Variants in CDH19 observed in about 807,000 individuals in gnomAD.
The protein encoded by CDH19 is cadherin-19.
In CDH19, 67 loss-of-function variants were observed where a neutral mutation model predicts 64.2. The observed-to-expected ratio is 1.04, with a 90% CI of 0.86 to 1.28. The LOEUF is 1.28. Ranked by LOEUF, CDH19 falls within the 50% of genes most tolerant of loss-of-function variation. CDH19 has a pLI of 0.00. For synonymous variants in CDH19, 346 were observed against 319.3 expected (o/e 1.08, Z -0.89); for missense variants, 1,030 against 929.0 (o/e 1.11, Z -1.41).
intron 10 of CDH19, among the ~76,000 whole-genome samples, chr18:66,510,622 T>TAATAATA (rs1282249811): frequency 2.3e-5 from 3 of 132,868 alleles, no homozygotes; most frequent in African/African-American, 8.2e-5. Context: ...ATAATAATAA[T>TAATAATA]AATAATACAT....
chr18:66,569,865 T>G (rs1988045064), intron 2 of CDH19, among the ~76,000 whole-genome samples: 1 of 151,706 alleles, frequency 6.6e-6, no homozygotes. Flanking sequence ...AATTCATGAT[T>G]TTTCTGATGG....
intron 3 of CDH19, among the ~76,000 whole-genome samples, chr18:66,564,829 T>C (rs940529044): frequency 6.6e-6 from 1 of 151,432 alleles, no homozygotes; most frequent in Non-Finnish European, 1.5e-5. Context: ...TAATTGCTTA[T>C]TAAGTAGTAT....
intron 1 of CDH19, among the ~76,000 whole-genome samples, chr18:66,590,914 G>A (rs1471147949): frequency 6.6e-6 from 1 of 151,990 alleles, no homozygotes; most frequent in African/African-American, 2.4e-5. Context: ...TTCCACCTAA[G>A]CCTGTTTGGG....
At chr18:66,543,273 C>A (rs998231519) in intron 7 of CDH19, among the ~76,000 whole-genome samples, 1 of 151,958 alleles carries the variant, frequency 6.6e-6, no homozygotes, top group Non-Finnish European at 1.5e-5. Flanking sequence ...GTGATCCGCC[C>A]GCCTCGGCCT....
At chr18:66,583,650 T>C (rs1003942422) in intron 1 of CDH19, among the ~76,000 whole-genome samples, 1 of 152,048 alleles carries the variant, frequency 6.6e-6, no homozygotes, top group Non-Finnish European at 1.5e-5. Context: ...GCTACATCTA[T>C]GTTCTCACAA....
intron 3 of CDH19, among the ~76,000 whole-genome samples, chr18:66,556,497 A>T (rs532482932): frequency 4.6e-5 from 7 of 151,834 alleles, no homozygotes; most frequent in African/African-American, 1.7e-4. Flanking sequence ...TTTAGATTCC[A>T]CATATAAATA....
At chr18:66,519,166 G>A (rs953931267) in intron 9 of CDH19, among the ~76,000 whole-genome samples, 1 of 152,168 alleles carries the variant, frequency 6.6e-6, no homozygotes, top group Non-Finnish European at 1.5e-5. Flanking sequence ...CATTGACAAT[G>A]TTGTTTGTGT....
chr18:66,586,036 A>G (rs1988568727), intron 1 of CDH19, among the ~76,000 whole-genome samples: 1 of 152,056 alleles, frequency 6.6e-6, no homozygotes, highest in South Asian at 2.1e-4. Context: ...CTTTTCTATG[A>G]CCTCTTCTTG....
At chr18:66,556,632 G>A (rs1327013246) in intron 3 of CDH19, among the ~76,000 whole-genome samples, 2 of 151,776 alleles carry the variant, frequency 1.3e-5, no homozygotes, top group African/African-American at 4.8e-5. Context: ...ATATTCCACT[G>A]TAAATATATG....
At chr18:66,589,259 T>C (rs777265510) in intron 1 of CDH19, among the ~76,000 whole-genome samples, 7 of 149,738 alleles carry the variant, frequency 4.7e-5, no homozygotes, top group Non-Finnish European at 1.0e-4. Flanking sequence ...TACATATATA[T>C]ATATACACAC....
intron 7 of CDH19, among the ~76,000 whole-genome samples, chr18:66,537,249 C>G (rs1986709727): frequency 6.6e-6 from 1 of 151,814 alleles, no homozygotes; most frequent in South Asian, 2.1e-4. Flanking sequence ...TAGTCTCCTC[C>G]ACGATTCCTC....
intron 4 of CDH19, among the ~76,000 whole-genome samples, chr18:66,551,606 CT>C (rs1272668321): frequency 6.6e-6 from 1 of 151,914 alleles, no homozygotes; most frequent in Non-Finnish European, 1.5e-5. Context: ...GTCCCCGAAA[CT>C]CTGAAGTTAG....
At chr18:66,551,531 T>G (rs891377489) in intron 4 of CDH19, among the ~76,000 whole-genome samples, 9 of 152,012 alleles carry the variant, frequency 5.9e-5, no homozygotes, top group Non-Finnish European at 1.3e-4. Context: ...GAATGTCTTG[T>G]TTTTACTTTA....
At chr18:66,551,023 T>G in intron 5 of CDH19, 71 bp downstream of exon 5, 1 of 802,010 alleles carries the variant, frequency 1.2e-6, no homozygotes, top group Non-Finnish European at 2.0e-6. Flanking sequence ...GAATGAAAAC[T>G]ATATAATCTA....
intron 9 of CDH19, among the ~76,000 whole-genome samples, chr18:66,522,115 T>A (rs1211300526): frequency 6.6e-6 from 1 of 150,952 alleles, no homozygotes; most frequent in Non-Finnish European, 1.5e-5. Flanking sequence ...CCCGGCAATT[T>A]TTTTTTGTAT....
In CDH19 at chr18:66,577,467, A is replaced by G. The variant is rs146645247; in HGVS notation, c.-112-5151T>C. ...ATTTTTGAAAAAGTTCAAAAGGTGA[A>G]TCAATGGAGAAATAACAGTCTTTGT... On this transcript the variant is annotated intron_variant, in intron 1 of 11. Coordinates refer to ENST00000262150, the MANE Select transcript of CDH19 (RefSeq NM_021153.4). 5.6e-3 allele frequency among the ~76,000 whole-genome samples: 859 copies of G among 152,082 alleles called. 11 individuals carry two copies. The highest frequency in any genetic ancestry group is 0.019 in the African/African-American group (802 of 41,546).
Position 66,568,415 on chromosome 18 carries a change from C to A in CDH19, c.490+1G>T, listed in dbSNP as rs754192400. 1 of 1,604,340 alleles carries A rather than the reference C, an allele frequency of 6.2e-7. No homozygotes were observed. Among genetic ancestry groups the A allele is most frequent in the East Asian group, 2.2e-5 (1 of 44,770 alleles). ...CTTTGATGTAAATTAATATGCAATA[C>A]CTTCTGGAGACATCTCTGGTACAAT... is the stretch of plus-strand genomic sequence containing the variant. On this transcript the variant is annotated splice_donor_variant, in intron 3 of 11. Coordinates refer to ENST00000262150, the MANE Select transcript of CDH19 (RefSeq NM_021153.4). LOFTEE classifies it high-confidence loss of function.
intron 1 of CDH19, among the ~76,000 whole-genome samples, chr18:66,591,321 T>A (rs1988737384): frequency 6.6e-6 from 1 of 151,886 alleles, no homozygotes; most frequent in Non-Finnish European, 1.5e-5. Context: ...GTTCCTGGAG[T>A]GCATAAGATA....
At chr18:66,517,692 C>A (rs1261426693) in intron 9 of CDH19, among the ~76,000 whole-genome samples, 1 of 151,846 alleles carries the variant, frequency 6.6e-6, no homozygotes, top group East Asian at 1.9e-4. Flanking sequence ...CTTTTACCTG[C>A]CATTTTCTCT....
Sources: allele counts gnomAD v4.1 joint callset (sites outside exome capture counted in the v4.1 genomes callset), GRCh38; gene constraint gnomAD v4.1.1; transcripts MANE v1.5; gene names NCBI Gene and HGNC (gene_info 2026-07-23, HGNC 2026-07-21).